The following SINHCAF variants were observed in gnomAD, a reference collection of about 807,000 sequenced individuals.
SINHCAF encodes the protein SIN3-HDAC complex-associated factor.
A neutral mutation model predicts 25.8 loss-of-function variants in SINHCAF; 3 were observed. The observed-to-expected ratio is 0.12, with a 90% CI of 0.05 to 0.30. The LOEUF (loss-of-function observed/expected upper bound fraction) is 0.30. Among genes scored for constraint, SINHCAF ranks in the 10% least tolerant of loss-of-function variants. The probability of loss-of-function intolerance (pLI) is 1.00; values close to 1 mark genes in which losing one functional copy is unlikely to be tolerated. For synonymous variants in SINHCAF, 70 were observed against 85.5 expected (o/e 0.82, Z 1.00); for missense variants, 121 against 262.3 (o/e 0.46, Z 3.72).
At chr12:31,288,197 G>C (rs960247889) in intron 4 of SINHCAF, among the ~76,000 whole-genome samples, 3 of 151,896 alleles carry the variant, frequency 2.0e-5, no homozygotes, top group African/African-American at 7.3e-5. Flanking sequence ...AATGTGTACA[G>C]ACAATCAAAA....
intron 5 of SINHCAF, among the ~76,000 whole-genome samples, chr12:31,285,418 T>C (rs200192692): frequency 0.03 from 4,227 of 141,436 alleles, 203 homozygotes; most frequent in African/African-American, 0.097. Context: ...TATATATACA[T>C]ACACACACAC....
chr12:31,320,982 C>A lies in SINHCAF; in HGVS notation c.-21+5042G>T, dbSNP rs151131390. 1.3e-3 allele frequency among the ~76,000 whole-genome samples: 193 copies of A among 152,248 alleles called. 1 individual carries two copies. The highest frequency in any genetic ancestry group is 4.2e-3 in the African/African-American group (176 of 41,554). ...CTAAATACAAAGCTAGAAATAAATT[C>A]TTTTAGTTCAACTGTAACTTTCATA... On this transcript the variant is annotated intron_variant, in intron 1 of 5. Coordinates refer to ENST00000337682, the MANE Select transcript of SINHCAF (RefSeq NM_001135812.2).
chr12:31,295,140 C>T, intron 3 of SINHCAF, 94 bp downstream of exon 3: 1 of 733,180 alleles, frequency 1.4e-6, no homozygotes, highest in Non-Finnish European at 2.3e-6. Context: ...GACTTTTCTA[C>T]CCTAGGGATA....
intron 5 of SINHCAF, among the ~76,000 whole-genome samples, chr12:31,285,317 G>A (rs1365616041): frequency 6.6e-6 from 1 of 151,804 alleles, no homozygotes; most frequent in Non-Finnish European, 1.5e-5. Flanking sequence ...GAACCCAGGA[G>A]GCGGAGGTTG....
Position 31,324,927 on chromosome 12 carries a change from C to T in SINHCAF, c.-21+1097G>A, listed in dbSNP as rs757144076. ...GCTTTTTAAACTGGCAAGACGCCAT[C>T]ATCAGCAAACCACATTGTCCTGCCG... On this transcript the variant is annotated intron_variant, in intron 1 of 5. Transcript: ENST00000337682. The surrounding 1 kb of genome is among the most constrained non-coding windows in gnomAD (Gnocchi z 5.5). 9 of 455,464 alleles carry T rather than the reference C, an allele frequency of 2.0e-5. No homozygotes were observed. Among genetic ancestry groups the T allele is most frequent in the South Asian group, 1.2e-4 (8 of 64,472 alleles). 28.2% of individuals were successfully genotyped at this position (455,464 alleles called of 1,614,324 possible). A position where few individuals can be genotyped will look rare whatever the true frequency, so the allele number is the denominator to read the frequency against.
intron 1 of SINHCAF, among the ~76,000 whole-genome samples, chr12:31,307,530 G>A (rs1262097431): frequency 6.6e-6 from 1 of 152,104 alleles, no homozygotes; most frequent in East Asian, 1.9e-4. Flanking sequence ...AGTCCAGCCT[G>A]GGTGACAGAG....
chr12:31,295,457 G>A (rs934638238), intron 2 of SINHCAF, 124 bp from the exon 3 acceptor site: 1 of 653,268 alleles, frequency 1.5e-6, no homozygotes. Flanking sequence ...AATCATCCTG[G>A]ATGATCCCAT....
In SINHCAF at chr12:31,298,218, C is replaced by A. The variant is rs1221323519; in HGVS notation, c.-14G>T. On this transcript the variant is annotated 5_prime_UTR_variant, in exon 2 of 6. Transcript: ENST00000337682. ...AAAACCAAACATCTTTTCTTCTGGGCAATAGTCTGTAAAGCCAAGGGAATT... is the reference window on the plus strand; with the variant it reads ...AAAACCAAACATCTTTTCTTCTGGGAAATAGTCTGTAAAGCCAAGGGAATT... 1.9e-6 allele frequency: 3 copies of A among 1,613,730 alleles called. No individual in the cohort carries two copies. Among genetic ancestry groups the A allele is most frequent in the Admixed American group, 1.7e-5 (1 of 60,008 alleles).
chr12:31,285,965 ACT>A (rs1938045010), intron 5 of SINHCAF, among the ~76,000 whole-genome samples: 1 of 148,840 alleles, frequency 6.7e-6, no homozygotes, highest in Non-Finnish European at 1.5e-5. Context: ...ACAGAGTGAA[ACT>A]CTGTCTCAAA....
rs1938620162 is a variant in SINHCAF, at chr12:31,298,108, G to A, written c.97C>T (p.Arg33Cys). Residue 33 changes from arginine to cysteine, a missense_variant, in exon 2 of 6, where the codon CGC becomes TGC. Coordinates refer to ENST00000337682, the MANE Select transcript of SINHCAF (RefSeq NM_001135812.2). The stretch of plus-strand genomic sequence containing the variant: ...CAGCTCTGGAAGTCCTTTTCATAGC[G>A]TTTACTGTCAGTGAATCGAGAACTG... ...SSSSRFTDSK[R>C]YEKDFQSCFG... 7 of 1,614,064 alleles carry A rather than the reference G, an allele frequency of 4.3e-6. No homozygotes were observed. Among genetic ancestry groups the A allele is most frequent in the Non-Finnish European group, 5.9e-6 (7 of 1,179,942 alleles).
chr12:31,316,348 A>T (rs1401801336), intron 1 of SINHCAF, among the ~76,000 whole-genome samples: 1 of 152,176 alleles, frequency 6.6e-6, no homozygotes, highest in African/African-American at 2.4e-5. Flanking sequence ...AAAACACAAC[A>T]ATCAATTCTA....
At chr12:31,304,006 C>G (rs1259882161) in intron 1 of SINHCAF, 1 of 151,720 alleles carries the variant, frequency 6.6e-6, no homozygotes, top group Non-Finnish European at 1.5e-5. Flanking sequence ...CTTGTCCCAG[C>G]TACTCGGGAG....
intron 1 of SINHCAF, among the ~76,000 whole-genome samples, chr12:31,306,742 T>C (rs1565499028): frequency 6.6e-6 from 1 of 151,816 alleles, no homozygotes; most frequent in East Asian, 1.9e-4. Flanking sequence ...CTAGTCCATT[T>C]TTTTACGGGT....
chr12:31,285,819 AC>A (rs1199330333), intron 5 of SINHCAF, among the ~76,000 whole-genome samples: 2 of 152,010 alleles, frequency 1.3e-5, no homozygotes, highest in African/African-American at 4.8e-5. Flanking sequence ...CTACTAAAAT[AC>A]AAAAATTAGC....
At position 31,323,027 on chromosome 12, in the gene SINHCAF, G is replaced by A. The variant is rs1939759813; in HGVS notation, c.-21+2997C>T. ...CACGGGATCTGGGAAGAAGCTAGCC[G>A]TTACCCTGTGTCATCTTCCTGAGCA... is the stretch of plus-strand genomic sequence containing the variant. On this transcript the variant is annotated intron_variant, in intron 1 of 5. Coordinates refer to ENST00000337682, the MANE Select transcript of SINHCAF (RefSeq NM_001135812.2). Among the ~76,000 whole-genome samples the A allele has an allele frequency of 2.6e-5, 4 of 152,146 alleles. No individual in the cohort carries two copies. The South Asian group carries it at 8.3e-4, about 32-fold the overall frequency.
intron 4 of SINHCAF, among the ~76,000 whole-genome samples, chr12:31,288,100 G>A (rs1007571016): frequency 2.0e-5 from 3 of 152,110 alleles, no homozygotes; most frequent in African/African-American, 4.8e-5. Context: ...GCAAGCCATG[G>A]TGGTAGGTTC....
At chr12:31,284,713 C>T (rs906863732) in intron 5 of SINHCAF, among the ~76,000 whole-genome samples, 10 of 152,130 alleles carry the variant, frequency 6.6e-5, no homozygotes, top group Admixed American at 1.3e-4. Context: ...AGACCATTTT[C>T]GCCCACCAAT....
intron 1 of SINHCAF, among the ~76,000 whole-genome samples, chr12:31,313,624 T>C (rs1939371090): frequency 6.6e-6 from 1 of 151,992 alleles, no homozygotes; most frequent in African/African-American, 2.4e-5. Context: ...TGGGTGTATA[T>C]GTGTAATTAA....
chr12:31,304,577 G>A (rs976817678), intron 1 of SINHCAF: 1 of 152,258 alleles, frequency 6.6e-6, no homozygotes, highest in African/African-American at 2.4e-5. Context: ...ACTAAGCACA[G>A]AATGAAAATA....
Sources: gnomAD v4.1 joint callset for allele counts (sites outside exome capture counted in the v4.1 genomes callset) on GRCh38, gnomAD v4.1.1 for gene constraint, Gnocchi (gnomAD v3.1) non-coding constraint, MANE v1.5 for transcripts, NCBI Gene and HGNC (gene_info 2026-07-23, HGNC 2026-07-21) for gene names.